The following PSD variants were observed in gnomAD, a reference collection of about 807,000 sequenced individuals.
PSD encodes PH and SEC7 domain-containing protein 1.
In PSD, 32 loss-of-function variants were observed where a neutral mutation model predicts 91.6. The ratio of observed to expected loss-of-function variants is 0.35; its 90% CI spans 0.26 to 0.47. The LOEUF (loss-of-function observed/expected upper bound fraction) is 0.47, where lower values mean the gene tolerates loss of function less well. Ranked by LOEUF, PSD falls within the 20% of genes least tolerant of loss-of-function variation. PSD has a pLI of 1.00. For synonymous variants in PSD, 532 were observed against 569.3 expected, an observed-to-expected ratio of 0.93 and a Z score of 0.93; for missense variants, 1,099 against 1,373.9, an observed-to-expected ratio of 0.80 and a Z score of 3.16.
Position 102,404,793 on chromosome 10 carries a change from G to C in PSD, c.2556-66C>G. The C allele has an allele frequency of 6.4e-7, 1 of 1,561,688 alleles. No homozygotes were observed. The highest frequency in any genetic ancestry group is 8.7e-7 in the Non-Finnish European group (1 of 1,152,218). On this transcript the variant is annotated intron_variant, in intron 14 of 16. Coordinates refer to ENST00000020673, the MANE Select transcript of PSD (RefSeq NM_002779.5). This position sits in a 1 kb window ranked among gnomAD's most constrained non-coding sequence, Gnocchi z 5.7. ...TTTCTGTCCCAGGATGCCAGTCCTGGCTCAAGTGTGGCCTGAGAAGGAATG... is the reference window on the plus strand; with the variant it reads ...TTTCTGTCCCAGGATGCCAGTCCTGCCTCAAGTGTGGCCTGAGAAGGAATG...
Position 102,414,843 on chromosome 10 carries a change from C to G in PSD, c.1124+20G>C. On this transcript the variant is annotated intron_variant, in intron 4 of 16. Coordinates refer to ENST00000020673, the MANE Select transcript of PSD (RefSeq NM_002779.5). This position sits in a 1 kb window ranked among gnomAD's most constrained non-coding sequence, Gnocchi z 5.6. ...AAGCCGCTTCCCTCTCCCACTTCCC[C>G]CTCCCACTTCCCCACTCACCGGGCC... The G allele has an allele frequency of 2.0e-6, 3 of 1,487,486 alleles. No homozygotes were observed. Among genetic ancestry groups the G allele is most frequent in the South Asian group, 1.4e-5 (1 of 73,158 alleles). The allele number at this position is 1,487,486 out of a possible 1,614,324, so 92.1% of individuals were successfully genotyped here.
In PSD at chr10:102,416,215, G is replaced by T; in HGVS notation, c.655-96C>A. 8.3e-7 allele frequency: 1 copy of T among 1,199,316 alleles called. No homozygotes were observed. Among genetic ancestry groups the T allele is most frequent in the Non-Finnish European group, 1.2e-6 (1 of 841,622 alleles). 74.3% of individuals were successfully genotyped at this position (1,199,316 alleles called of 1,614,324 possible). A position where few individuals can be genotyped will look rare whatever the true frequency, so the allele number is the denominator to read the frequency against. ...AGAAACAGAAATTAAAACATGCATC[G>T]ACAGAGATGGAGGTTCAGAGACACA... On this transcript the variant is annotated intron_variant, in intron 2 of 16. Coordinates refer to ENST00000020673, the MANE Select transcript of PSD (RefSeq NM_002779.5). The surrounding 1 kb of genome is among the most constrained non-coding windows in gnomAD (Gnocchi z 6.0).
chr10:102,418,075 A>G (rs1234403891), intron 1 of PSD, among the ~76,000 whole-genome samples: 1 of 151,230 alleles, frequency 6.6e-6, no homozygotes, highest in South Asian at 2.1e-4. Flanking sequence ...ACACACACAC[A>G]CACACACACA....
In PSD at chr10:102,416,223, T is replaced by C. The variant is rs1589894150; in HGVS notation, c.655-104A>G. ...AAATTAAAACATGCATCGACAGAGA[T>C]GGAGGTTCAGAGACACAGAGACAAA... On this transcript the variant is annotated intron_variant, in intron 2 of 16. Transcript: ENST00000020673. This position sits in a 1 kb window ranked among gnomAD's most constrained non-coding sequence, Gnocchi z 6.0. 1 of 1,199,508 alleles carries C rather than the reference T, an allele frequency of 8.3e-7. No homozygotes were observed. The highest frequency in any genetic ancestry group is 2.1e-5 in the Admixed American group (1 of 46,586). 74.3% of individuals were successfully genotyped at this position (1,199,508 alleles called of 1,614,324 possible). A position where few individuals can be genotyped will look rare whatever the true frequency, so the allele number is the denominator to read the frequency against.
chr10:102,405,316 A>T lies in PSD; in HGVS notation c.2326+30T>A. On this transcript the variant is annotated intron_variant, in intron 12 of 16. Transcript: ENST00000020673. The surrounding 1 kb of genome is among the most constrained non-coding windows in gnomAD (Gnocchi z 5.4). ...AGGCCCACTCCCATCCATCCCCTAGACGCCCGCCCCCCGCAACTCGGCCAC... is the reference window on the plus strand; with the variant it reads ...AGGCCCACTCCCATCCATCCCCTAGTCGCCCGCCCCCCGCAACTCGGCCAC... 6.2e-7 allele frequency: 1 copy of T among 1,606,954 alleles called. No individual in the cohort carries two copies. The highest frequency in any genetic ancestry group is 8.5e-7 in the Non-Finnish European group (1 of 1,178,078).
rs201643069 is a variant in PSD, at chr10:102,403,262, G to A, written c.3013C>T (p.Arg1005Trp). 229 of 1,610,390 alleles carry A rather than the reference G, an allele frequency of 1.4e-4. No homozygotes were observed. Among genetic ancestry groups the A allele is most frequent in the Middle Eastern group, 1.7e-4 (1 of 6,042 alleles). ...GGCTCTGAGCTGTGACGCTGAGCCC[G>A]GGGCTGGCTGGAGGGTTTGGGCTGC... ...SLQPKPSSQP[R>W]AQRHSSEPRP... is the part of the protein sequence containing the mutation. The change falls in exon 17 of 17, where the codon CGG becomes TGG. Residue 1005 changes from arginine to tryptophan, a missense_variant. Transcript: ENST00000020673. The surrounding 1 kb of genome is among the most constrained non-coding windows in gnomAD (Gnocchi z 6.7).
chr10:102,414,309 T>C lies in PSD; in HGVS notation c.1125-112A>G. On this transcript the variant is annotated intron_variant, in intron 4 of 16. Transcript: ENST00000020673. This position sits in a 1 kb window ranked among gnomAD's most constrained non-coding sequence, Gnocchi z 5.6. ...AAGGGGATTATCATCCCCTTTTCAC[T>C]GGCTCCAGCCCACTAACAAAAAAGA... The C allele has an allele frequency of 9.3e-7, 1 of 1,080,442 alleles. No individual in the cohort carries two copies. Among genetic ancestry groups the C allele is most frequent in the Non-Finnish European group, 1.3e-6 (1 of 753,984 alleles). The allele number at this position is 1,080,442 out of a possible 1,614,324, so 66.9% of individuals were successfully genotyped here.
upstream of PSD, chr10:102,418,822 C>CCT: frequency 2.5e-6 from 1 of 401,120 alleles, no homozygotes. Context: ...CCTCCCCCTA[C>CCT]CCCCTACGCG....
rs935431443 is a variant in PSD at position 102,414,423 on chromosome 10, C to G, written c.1125-226G>C. On this transcript the variant is annotated intron_variant, in intron 4 of 16. Coordinates refer to ENST00000020673, the MANE Select transcript of PSD (RefSeq NM_002779.5). This position sits in a 1 kb window ranked among gnomAD's most constrained non-coding sequence, Gnocchi z 5.6. ...CAGCACCCCATCCCCTCCCTCCCTG[C>G]TAATCTCCCTTTCTCCTCCTTTTCC... Among the ~76,000 whole-genome samples the G allele has an allele frequency of 6.6e-6, 1 of 152,070 alleles. No individual in the cohort carries two copies. Among genetic ancestry groups the G allele is most frequent in the Non-Finnish European group, 1.5e-5 (1 of 67,992 alleles).
chr10:102,408,285 A>G (rs1312170979), intron 10 of PSD, among the ~76,000 whole-genome samples: 1 of 152,108 alleles, frequency 6.6e-6, no homozygotes, highest in African/African-American at 2.4e-5. Context: ...ACTCCTCCCA[A>G]CAAACCACAG....
chr10:102,413,534 A>T (rs2061444686), intron 5 of PSD, among the ~76,000 whole-genome samples: 1 of 152,030 alleles, frequency 6.6e-6, no homozygotes, highest in Admixed American at 6.5e-5. Flanking sequence ...TCAATGCTGA[A>T]TCATGCTTTC....
chr10:102,407,016 A>C (rs922310273), intron 11 of PSD, among the ~76,000 whole-genome samples: 1 of 152,062 alleles, frequency 6.6e-6, no homozygotes, highest in Non-Finnish European at 1.5e-5. Context: ...CCCACTTGTC[A>C]TAACAACCCA....
In PSD at chr10:102,405,698, ATGTGTAGC is replaced by A. The variant is rs1280234592; in HGVS notation, c.2136-170_2136-163del. The stretch of plus-strand genomic sequence containing the variant: ...TCCCGTCTCAGATCAGGCCTCCACA[ATGTGTAGC>A]TGTGCCTCCTCAGAGCAGGGCACCT... On this transcript the variant is annotated intron_variant, in intron 11 of 16. Coordinates refer to ENST00000020673, the MANE Select transcript of PSD (RefSeq NM_002779.5). The surrounding 1 kb of genome is among the most constrained non-coding windows in gnomAD (Gnocchi z 5.4). The A allele has an allele frequency of 4.5e-6, 3 of 662,254 alleles. No individual in the cohort carries two copies. The highest frequency in any genetic ancestry group is 7.6e-6 in the Non-Finnish European group (3 of 393,526). 41.0% of individuals were successfully genotyped at this position (662,254 alleles called of 1,614,324 possible).
At position 102,403,732 on chromosome 10, in the gene PSD, G is replaced by A. The variant is rs7068416; in HGVS notation, c.2844+110C>T. ...CACAGAGGAGGAAACTGAGGCTTAG[G>A]TTAAGCAACCTGCCCAAGGACCTCC... On this transcript the variant is annotated intron_variant, in intron 16 of 16. Transcript: ENST00000020673. This position sits in a 1 kb window ranked among gnomAD's most constrained non-coding sequence, Gnocchi z 6.7. 1 allele frequency: 1,406,846 copies of A among 1,408,092 alleles called. 702,817 individuals are homozygous for A. Among genetic ancestry groups the A allele is most frequent in the East Asian group, 1 (41,464 of 41,464 alleles). The allele number at this position is 1,408,092 out of a possible 1,614,324, so 87.2% of individuals were successfully genotyped here.
Position 102,405,179 on chromosome 10 carries a change from G to C in PSD, c.2397+4C>G. The C allele has an allele frequency of 1.2e-6, 2 of 1,609,866 alleles. No individual in the cohort carries two copies. The highest frequency in any genetic ancestry group is 1.7e-5 in the Admixed American group (1 of 59,966). On this transcript the variant is annotated splice_donor_region_variant and intron_variant, in intron 13 of 16. Coordinates refer to ENST00000020673, the MANE Select transcript of PSD (RefSeq NM_002779.5). The surrounding 1 kb of genome is among the most constrained non-coding windows in gnomAD (Gnocchi z 5.4). ...AGCCCCAGCCCCCTGGCCTGACCCCGCACCTTCTGCAGGTAGAGGATCATG... is the reference window on the plus strand; with the variant it reads ...AGCCCCAGCCCCCTGGCCTGACCCCCCACCTTCTGCAGGTAGAGGATCATG...
Position 102,403,230 on chromosome 10 carries a change from T to G in PSD, c.3045A>C (p.Pro1015=). ...RAQRHSSEPR[P]GAGSGRRKP ...GCTTCCGCCGCCCACTGCCTGCCCCTGGCCGAGGCTCTGAGCTGTGACGCT... is the reference window on the plus strand; with the variant it reads ...GCTTCCGCCGCCCACTGCCTGCCCCGGGCCGAGGCTCTGAGCTGTGACGCT... Residue 1015 remains proline, a synonymous_variant, in exon 17 of 17, where the codon CCA becomes CCC. Transcript: ENST00000020673. This position sits in a 1 kb window ranked among gnomAD's most constrained non-coding sequence, Gnocchi z 6.7. The G allele has an allele frequency of 6.3e-7, 1 of 1,587,714 alleles. No individual in the cohort carries two copies. The highest frequency in any genetic ancestry group is 8.6e-7 in the Non-Finnish European group (1 of 1,163,466).
Position 102,416,169 on chromosome 10 carries a change from A to C in PSD, c.655-50T>G, listed in dbSNP as rs768712090. 1.8e-5 allele frequency: 26 copies of C among 1,413,606 alleles called. 1 individual carries two copies. In the South Asian group the frequency reaches 3.1e-4, roughly 17 times the overall value. The allele number at this position is 1,413,606 out of a possible 1,614,324, so 87.6% of individuals were successfully genotyped here. ...CACCCAGAGATAAAGCCAGACATAC[A>C]AGGACACAAGAATATGGGACAGAAA... On this transcript the variant is annotated intron_variant, in intron 2 of 16. Transcript: ENST00000020673. The surrounding 1 kb of genome is among the most constrained non-coding windows in gnomAD (Gnocchi z 6.0).
At chr10:102,407,946 C>T (rs2061380639) in intron 10 of PSD, among the ~76,000 whole-genome samples, 2 of 152,168 alleles carry the variant, frequency 1.3e-5, no homozygotes, top group Non-Finnish European at 2.9e-5. Flanking sequence ...GCTTCCAATC[C>T]CTGCATAGCC....
At position 102,416,055 on chromosome 10, in the gene PSD, C is replaced by T. The variant is rs1229778837; in HGVS notation, c.719G>A (p.Trp240Ter). Residue 240 changes from tryptophan to a stop codon, truncating the protein, a stop_gained, in exon 3 of 17, where the codon TGG becomes TAG. Transcript: ENST00000020673. LOFTEE classifies it high-confidence loss of function. This position sits in a 1 kb window ranked among gnomAD's most constrained non-coding sequence, Gnocchi z 6.0. ...SHAQRIARAK[W>*]EFFYGSLDPP... Reference sequence around the variant, plus strand: ...GTCCAAGGAGCCATAGAAGAATTCCCATTTGGCTCTAGCGATTCTCTGGGC... The same window carrying T: ...GTCCAAGGAGCCATAGAAGAATTCCTATTTGGCTCTAGCGATTCTCTGGGC... The T allele has an allele frequency of 6.2e-7, 1 of 1,613,710 alleles. No individual in the cohort carries two copies. Among genetic ancestry groups the T allele is most frequent in the Non-Finnish European group, 8.5e-7 (1 of 1,179,896 alleles).
Sources: gnomAD v4.1 joint callset for allele counts (sites outside exome capture counted in the v4.1 genomes callset) on GRCh38, gnomAD v4.1.1 for gene constraint, Gnocchi (gnomAD v3.1) non-coding constraint, MANE v1.5 for transcripts, NCBI Gene and HGNC (gene_info 2026-07-23, HGNC 2026-07-21) for gene names.